EYS: variants seen among roughly 807,000 people sequenced by gnomAD.
EYS encodes EGF-like photoreceptor maintenance factor, also known as protein eyes shut homolog.
In EYS, 250 loss-of-function variants were observed where a neutral mutation model predicts 282.1. The ratio of observed to expected loss-of-function variants is 0.89; its 90% CI spans 0.80 to 0.98. The LOEUF is 0.98. Among genes scored for constraint, EYS ranks in the 50% least tolerant of loss-of-function variants. The probability of loss-of-function intolerance (pLI) is 0.00; values close to 1 mark genes in which losing one functional copy is unlikely to be tolerated. For missense variants in EYS, 4,016 were observed against 3,709.0 expected (o/e 1.08, Z -2.15); for synonymous variants, 1,355 against 1,282.9 (o/e 1.06, Z -1.20).
chr6:64,276,742 T>G (rs889649914), intron 30 of EYS, among the ~76,000 whole-genome samples: 1 of 152,148 alleles, frequency 6.6e-6, no homozygotes, highest in Admixed American at 6.5e-5. Context: ...AAAATAATAC[T>G]TCCTTGCCAT....
chr6:65,279,045 G>A (rs1008213860), intron 12 of EYS, among the ~76,000 whole-genome samples: 1 of 152,004 alleles, frequency 6.6e-6, no homozygotes, highest in Non-Finnish European at 1.5e-5. Context: ...AAAAATATTA[G>A]TTGGATGTGG....
At chr6:64,482,987 T>C (rs1776481829) in intron 26 of EYS, among the ~76,000 whole-genome samples, 1 of 151,588 alleles carries the variant, frequency 6.6e-6, no homozygotes, top group South Asian at 2.1e-4. Flanking sequence ...AACTATTCTA[T>C]CAACAAATTT....
At chr6:64,335,640 T>C (rs550934167) in intron 29 of EYS, among the ~76,000 whole-genome samples, 1 of 152,076 alleles carries the variant, frequency 6.6e-6, no homozygotes, top group Non-Finnish European at 1.5e-5. Context: ...CGAACCTTTT[T>C]CAGTCTCTCC....
chr6:65,243,070 ATGATTTGCAACAAAAAATAAAC>A (rs11273379), intron 12 of EYS, among the ~76,000 whole-genome samples: 51,962 of 151,726 alleles, frequency 0.34, 10,441 homozygotes, highest in African/African-American at 0.56. Context: ...ATATAACAAT[ATGATTTGCAACAAAAAATAAAC>A]TGATTTGCAA....
At chr6:63,739,089 A>G (rs1379587680) in intron 41 of EYS, among the ~76,000 whole-genome samples, 1 of 150,406 alleles carries the variant, frequency 6.6e-6, no homozygotes, top group Admixed American at 6.6e-5. Flanking sequence ...CCTCCTTTCT[A>G]TCGGTATGGT....
chr6:65,666,270 T>C, intron 1 of EYS, among the ~76,000 whole-genome samples: 1 of 151,838 alleles, frequency 6.6e-6, no homozygotes, highest in East Asian at 1.9e-4. Context: ...AAAATATCTA[T>C]AGACACATTG....
chr6:63,950,194 C>CAAAAAAAAAAAAAAAA (rs563256139), intron 35 of EYS, among the ~76,000 whole-genome samples: 1 of 130,594 alleles, frequency 7.7e-6, no homozygotes. Flanking sequence ...CAAAACAAAA[C>CAAAAAAAAAAAAAAAA]AAAAAAAAAA....
Position 64,417,042 on chromosome 6 carries a change from A to G in EYS, c.5927+19132T>C, listed in dbSNP as rs114533675. 1.5e-3 allele frequency among the ~76,000 whole-genome samples: 227 copies of G among 152,290 alleles called. 1 individual carries two copies. Among genetic ancestry groups the G allele is most frequent in the African/African-American group, 5.0e-3 (207 of 41,572 alleles). On this transcript the variant is annotated intron_variant, in intron 28 of 42. Coordinates refer to ENST00000503581, the MANE Select transcript of EYS (RefSeq NM_001142800.2). ...AAGAACTCATTCTTTTCAAGACAAC[A>G]TTGTACGGTACTGCAATAATAATGA...
At chr6:65,689,854 C>T (rs1769176413) in intron 1 of EYS, among the ~76,000 whole-genome samples, 1 of 149,920 alleles carries the variant, frequency 6.7e-6, no homozygotes, top group Admixed American at 6.7e-5. Context: ...GGGGATCTCT[C>T]TTTGTTCCCA....
chr6:64,122,547 T>C (rs1184301898), intron 31 of EYS, among the ~76,000 whole-genome samples: 10 of 152,170 alleles, frequency 6.6e-5, no homozygotes, highest in Admixed American at 5.9e-4. Flanking sequence ...CCTGAGTTTT[T>C]ATCCCCTTGT....
chr6:64,271,804 G>A (rs935443606), intron 30 of EYS, among the ~76,000 whole-genome samples: 4 of 151,462 alleles, frequency 2.6e-5, no homozygotes, highest in Admixed American at 6.6e-5. Flanking sequence ...TTCTATTCCT[G>A]TGCTGATACT....
intron 1 of EYS, among the ~76,000 whole-genome samples, chr6:65,653,870 C>G (rs1582566911): frequency 6.6e-6 from 1 of 152,028 alleles, no homozygotes; most frequent in East Asian, 1.9e-4. Context: ...TTTGTGTCAT[C>G]TATAAGGACA....
At chr6:65,230,264 CTG>C (rs1202941377) in intron 12 of EYS, among the ~76,000 whole-genome samples, 2 of 151,792 alleles carry the variant, frequency 1.3e-5, no homozygotes, top group Non-Finnish European at 2.9e-5. Context: ...CTAGATTACA[CTG>C]TGTTTTGTTC....
intron 12 of EYS, among the ~76,000 whole-genome samples, chr6:65,139,353 G>T (rs1764262630): frequency 6.6e-6 from 1 of 152,022 alleles, no homozygotes; most frequent in Non-Finnish European, 1.5e-5. Context: ...AATACCATCT[G>T]TTATTGCTTG....
chr6:64,431,910 G>T (rs1000126108), intron 28 of EYS, among the ~76,000 whole-genome samples: 6 of 152,090 alleles, frequency 3.9e-5, no homozygotes, highest in African/African-American at 1.4e-4. Context: ...ATATCTGCCA[G>T]TGTGTGGATT....
intron 1 of EYS, among the ~76,000 whole-genome samples, chr6:65,693,499 G>C (rs1769324251): frequency 6.9e-6 from 1 of 145,946 alleles, no homozygotes; most frequent in Non-Finnish European, 1.5e-5. Flanking sequence ...AAGATGTTTG[G>C]CATTTTAGGG....
At chr6:65,633,479 T>C (rs1452393882) in intron 2 of EYS, among the ~76,000 whole-genome samples, 1 of 152,230 alleles carries the variant, frequency 6.6e-6, no homozygotes, top group Non-Finnish European at 1.5e-5. Context: ...CCCACTAATC[T>C]GTAGAGGTAG....
chr6:63,919,413 AT>A (rs1435893806), intron 35 of EYS, among the ~76,000 whole-genome samples: 34 of 150,224 alleles, frequency 2.3e-4, no homozygotes, highest in African/African-American at 8.1e-4. Flanking sequence ...AAAAAAAAAA[AT>A]CCCAACCCAC....
intron 12 of EYS, among the ~76,000 whole-genome samples, chr6:65,226,521 T>C (rs1325426168): frequency 1.3e-5 from 2 of 152,078 alleles, no homozygotes; most frequent in African/African-American, 4.8e-5. Flanking sequence ...CATAAAAATA[T>C]ACCCAATATC....
Sources: allele counts gnomAD v4.1 joint callset (sites outside exome capture counted in the v4.1 genomes callset), GRCh38; gene constraint gnomAD v4.1.1; transcripts MANE v1.5; gene names NCBI Gene and HGNC (gene_info 2026-07-23, HGNC 2026-07-21).